Variants in TAFA4 observed in about 807,000 individuals in gnomAD.
The protein encoded by TAFA4 is chemokine-like protein TAFA-4.
A neutral mutation model predicts 21.1 loss-of-function variants in TAFA4; 20 were observed. That is an observed-to-expected ratio of 0.95 (90% confidence interval 0.67 to 1.38). TAFA4 has a LOEUF of 1.38. Ranked by LOEUF, TAFA4 falls within the 40% of genes most tolerant of loss-of-function variation. The pLI is 0.00. For missense variants in TAFA4, 211 were observed against 180.9 expected (o/e 1.17, Z -0.95); for synonymous variants, 71 against 67.4 (o/e 1.05, Z -0.26).
intron 3 of TAFA4, among the ~76,000 whole-genome samples, chr3:68,758,338 G>A (rs914714800): frequency 2.0e-5 from 3 of 152,294 alleles, no homozygotes; most frequent in South Asian, 2.1e-4. Context: ...AAGCTCCCAC[G>A]ATTCCCACGT....
At chr3:68,810,051 T>C (rs1028432260) in intron 3 of TAFA4, among the ~76,000 whole-genome samples, 3 of 152,224 alleles carry the variant, frequency 2.0e-5, no homozygotes, top group Non-Finnish European at 4.4e-5. Flanking sequence ...GCTTTGACTA[T>C]TCAGGGTCTT....
At chr3:68,835,530 C>A (rs1704502819) in intron 3 of TAFA4, among the ~76,000 whole-genome samples, 2 of 152,294 alleles carry the variant, frequency 1.3e-5, no homozygotes, top group African/African-American at 4.8e-5. Flanking sequence ...AATAAATAAA[C>A]CCCAAAATTG....
intron 3 of TAFA4, among the ~76,000 whole-genome samples, chr3:68,847,992 T>C (rs1234404145): frequency 2.0e-4 from 31 of 152,260 alleles, no homozygotes; most frequent in Non-Finnish European, 4.4e-5. Context: ...TAAATATTAC[T>C]GCTGCTAACA....
At chr3:68,754,636 T>C (rs1702624833) in intron 3 of TAFA4, among the ~76,000 whole-genome samples, 1 of 152,212 alleles carries the variant, frequency 6.6e-6, no homozygotes, top group Non-Finnish European at 1.5e-5. Context: ...AAAGGTATTA[T>C]TTTTCCCTTT....
In TAFA4 at chr3:68,803,419, C is replaced by T. The variant is rs527985540; in HGVS notation, c.131-50401G>A. ...GTCCTTAATTCTGTCCTGGGCAAGG[C>T]TGATTTATTCCCAGTTGCTGTGTTT... On this transcript the variant is annotated intron_variant, in intron 3 of 5. Transcript: ENST00000295569. 1.8e-4 allele frequency among the ~76,000 whole-genome samples: 28 copies of T among 152,238 alleles called. 1 individual carries two copies. Among genetic ancestry groups the T allele is most frequent in the African/African-American group, 5.5e-4 (23 of 41,552 alleles).
At chr3:68,762,511 T>G (rs749363724) in intron 3 of TAFA4, among the ~76,000 whole-genome samples, 1 of 152,154 alleles carries the variant, frequency 6.6e-6, no homozygotes, top group South Asian at 2.1e-4. Flanking sequence ...AGATGGCTCA[T>G]TTACAGTCTT....
At chr3:68,788,233 C>T (rs1363292196) in intron 3 of TAFA4, among the ~76,000 whole-genome samples, 1 of 152,160 alleles carries the variant, frequency 6.6e-6, no homozygotes, top group Non-Finnish European at 1.5e-5. Flanking sequence ...TCCTTACCAC[C>T]TTCTCCCTCA....
chr3:68,850,205 A>T lies in TAFA4; in HGVS notation c.130+30525T>A, dbSNP rs1335655368. ...CAGGGGTAGGTATCATACAACAGTA[A>T]TATTGCCTAAGGTAGGGAATTGAGG... On this transcript the variant is annotated intron_variant, in intron 3 of 5. Transcript: ENST00000295569. 2.6e-5 allele frequency among the ~76,000 whole-genome samples: 4 copies of T among 152,296 alleles called. No individual in the cohort carries two copies. In the East Asian group the frequency reaches 7.7e-4, roughly 29 times the overall value.
At chr3:68,772,058 G>A (rs1039309042) in intron 3 of TAFA4, among the ~76,000 whole-genome samples, 5 of 152,070 alleles carry the variant, frequency 3.3e-5, no homozygotes, top group Admixed American at 1.3e-4. Context: ...GGCTTCACAA[G>A]TGTCTAAGGC....
At position 68,874,408 on chromosome 3, in the gene TAFA4, C is replaced by T. The variant is rs141530799; in HGVS notation, c.130+6322G>A. Among the ~76,000 whole-genome samples the T allele has an allele frequency of 3.9e-3, 590 of 152,172 alleles. 3 individuals are homozygous for T. The highest frequency in any genetic ancestry group is 0.013 in the African/African-American group (550 of 41,528). On this transcript the variant is annotated intron_variant, in intron 3 of 5. Transcript: ENST00000295569. The stretch of plus-strand genomic sequence containing the variant: ...CAAAACGTCATTTTTCTTCCTGCCC[C>T]GTCTCTACCCCTGCTGTTTCTTTTT...
At chr3:68,762,790 G>A (rs1249727309) in intron 3 of TAFA4, among the ~76,000 whole-genome samples, 3 of 152,214 alleles carry the variant, frequency 2.0e-5, no homozygotes, top group African/African-American at 7.2e-5. Context: ...TGTAATCTCA[G>A]CACTGTGGGA....
rs559784253 is a variant in TAFA4, at chr3:68,906,492, C to T, written c.-122-21182G>A. Among the ~76,000 whole-genome samples the T allele has an allele frequency of 1.3e-4, 20 of 152,312 alleles. No homozygotes were observed. The East Asian group carries it at 3.3e-3, about 25-fold the overall frequency. Reference sequence around the variant, plus strand: ...TGAATCTTGCAACAGCCTTCTGAGACAGGGACTCCCTAAGAGACAGAAAGG... The same window carrying T: ...TGAATCTTGCAACAGCCTTCTGAGATAGGGACTCCCTAAGAGACAGAAAGG... On this transcript the variant is annotated intron_variant, in intron 1 of 5. Coordinates refer to ENST00000295569, the MANE Select transcript of TAFA4 (RefSeq NM_182522.5).
intron 3 of TAFA4, among the ~76,000 whole-genome samples, chr3:68,775,142 T>C (rs1703025964): frequency 6.6e-6 from 1 of 152,160 alleles, no homozygotes; most frequent in African/African-American, 2.4e-5. Flanking sequence ...ACTCAGATTT[T>C]AGCTATTTGT....
chr3:68,875,366 G>A (rs1288482382), intron 3 of TAFA4, among the ~76,000 whole-genome samples: 2 of 151,998 alleles, frequency 1.3e-5, no homozygotes, highest in Non-Finnish European at 2.9e-5. Context: ...CGCTGCAGTG[G>A]GCCCTCTGTG....
chr3:68,889,482 T>C (rs1043941278), intron 1 of TAFA4, among the ~76,000 whole-genome samples: 1 of 152,234 alleles, frequency 6.6e-6, no homozygotes, highest in South Asian at 2.1e-4. Flanking sequence ...GTGAATTCCC[T>C]CAGAGAACTA....
chr3:68,861,796 C>T (rs1198785360), intron 3 of TAFA4, among the ~76,000 whole-genome samples: 1 of 152,044 alleles, frequency 6.6e-6, no homozygotes, highest in Non-Finnish European at 1.5e-5. Context: ...AAAATCAAGC[C>T]TCCTGTGACC....
chr3:68,786,548 C>T (rs1031353456), intron 3 of TAFA4, among the ~76,000 whole-genome samples: 4 of 152,202 alleles, frequency 2.6e-5, no homozygotes, highest in Admixed American at 6.5e-5. Flanking sequence ...TTTATATACA[C>T]TTTCTACTGT....
At chr3:68,771,322 A>G (rs1331838730) in intron 3 of TAFA4, among the ~76,000 whole-genome samples, 1 of 152,242 alleles carries the variant, frequency 6.6e-6, no homozygotes, top group Non-Finnish European at 1.5e-5. Context: ...AAGTTGAAAG[A>G]ACATACTGTA....
At chr3:68,798,139 G>A (rs573912949) in intron 3 of TAFA4, among the ~76,000 whole-genome samples, 21 of 152,158 alleles carry the variant, frequency 1.4e-4, no homozygotes, top group Non-Finnish European at 2.5e-4. Context: ...AGGTGGCATG[G>A]CAATATTCTT....
Sources: allele counts gnomAD v4.1 joint callset (sites outside exome capture counted in the v4.1 genomes callset), GRCh38; gene constraint gnomAD v4.1.1; transcripts MANE v1.5; gene names NCBI Gene and HGNC (gene_info 2026-07-23, HGNC 2026-07-21).